ICOS: variants seen among roughly 807,000 people sequenced by gnomAD.
ICOS encodes the protein inducible T cell costimulator, also known as inducible T-cell costimulator.
ICOS carries 15 observed loss-of-function variants against 24.6 expected under a neutral mutation model. The ratio of observed to expected loss-of-function variants is 0.61; its 90% confidence interval spans 0.41 to 0.94. The LOEUF (loss-of-function observed/expected upper bound fraction) is 0.94, where lower values mean the gene tolerates loss of function less well. Ranked by LOEUF, ICOS falls within the 40% of genes least tolerant of loss-of-function variation. The pLI, the probability that ICOS is intolerant of heterozygous loss-of-function variation, is 0.00. For missense variants in ICOS, 200 were observed against 233.0 expected (o/e 0.86, Z 0.92); for synonymous variants, 89 against 77.5 (o/e 1.15, Z -0.78).
intron 4 of ICOS, among the ~76,000 whole-genome samples, chr2:203,958,644 T>G (rs1690118899): frequency 6.6e-6 from 1 of 152,140 alleles, no homozygotes; most frequent in Admixed American, 6.5e-5. Flanking sequence ...GGGACACACA[T>G]AGCTTGCGTT....
At position 203,957,898 on chromosome 2, in the gene ICOS, G is replaced by A. The variant is rs761295712; in HGVS notation, c.586+15G>A. 2 of 1,537,752 alleles carry A rather than the reference G, an allele frequency of 1.3e-6. No individual in the cohort carries two copies. Among genetic ancestry groups the A allele is most frequent in the Admixed American group, 1.7e-5 (1 of 59,848 alleles). ...TAGACTCACAGGTATGACTCCATTT[G>A]GGGGTTTGGGAAGGGAAGAGGTTTC... On this transcript the variant is annotated intron_variant, in intron 4 of 4. Coordinates refer to ENST00000316386, the MANE Select transcript of ICOS (RefSeq NM_012092.4).
chr2:203,955,488 G>A, intron 1 of ICOS, 148 bp from the exon 2 acceptor site: 1 of 674,582 alleles, frequency 1.5e-6, no homozygotes, highest in South Asian at 1.8e-5. Flanking sequence ...TCTTCCTTGA[G>A]GGGTGGAGGG....
rs1690064814 is a variant in ICOS, at chr2:203,955,665, A to G, written c.88A>G (p.Met30Val). ...GEINGSANYE[M>V]FIFHNGGVQI... Reference sequence around the variant, plus strand: ...AATCAATGGTTCTGCCAATTATGAGATGTTTATATTTCACAACGGAGGTGT... The same window carrying G: ...AATCAATGGTTCTGCCAATTATGAGGTGTTTATATTTCACAACGGAGGTGT... Residue 30 changes from methionine to valine, a missense_variant, in exon 2 of 5, where the codon ATG becomes GTG. By Grantham distance (21) the Met-to-Val change is conservative (BLOSUM62 1). Transcript: ENST00000316386. 3 of 1,613,096 alleles carry G rather than the reference A, an allele frequency of 1.9e-6. No homozygotes were observed. The highest frequency in any genetic ancestry group is 1.7e-6 in the Non-Finnish European group (2 of 1,179,342).
At chr2:203,959,451 TGTGA>T (rs199913820) in intron 4 of ICOS, 131 bp from the exon 5 acceptor site, 4 of 733,538 alleles carry the variant, frequency 5.5e-6, no homozygotes, top group African/African-American at 2.0e-5. Flanking sequence ...ATGGTGTGTG[TGTGA>T]GTGTGTGTGT....
At chr2:203,952,212 T>C (rs1689991833) in intron 1 of ICOS, among the ~76,000 whole-genome samples, 1 of 152,232 alleles carries the variant, frequency 6.6e-6, no homozygotes, top group African/African-American at 2.4e-5. Flanking sequence ...AGGCTGAATT[T>C]TGTGATACTA....
intron 1 of ICOS, among the ~76,000 whole-genome samples, chr2:203,946,701 T>A (rs910018791): frequency 6.6e-6 from 1 of 152,176 alleles, no homozygotes; most frequent in Non-Finnish European, 1.5e-5. Context: ...TAGTAAAACA[T>A]CAAATATAAC....
chr2:203,957,947 A>AC, intron 4 of ICOS, 64 bp downstream of exon 4: 1 of 784,648 alleles, frequency 1.3e-6, no homozygotes, highest in African/African-American at 1.8e-5. Flanking sequence ...TGGAATGTTA[A>AC]TTTTTTTTTT....
chr2:203,959,666 C>G lies in ICOS; in HGVS notation c.*67C>G. On this transcript the variant is annotated 3_prime_UTR_variant, in exon 5 of 5. Coordinates refer to ENST00000316386, the MANE Select transcript of ICOS (RefSeq NM_012092.4). The stretch of plus-strand genomic sequence containing the variant: ...TTTCCTCAACTTGAAGTGCAAGATT[C>G]TCTTATTTCCGGGACCACGGAGAGT... 6.8e-7 allele frequency: 1 copy of G among 1,460,996 alleles called. No individual in the cohort carries two copies. Among genetic ancestry groups the G allele is most frequent in the Non-Finnish European group, 9.6e-7 (1 of 1,041,110 alleles). 90.5% of individuals were successfully genotyped at this position (1,460,996 alleles called of 1,614,324 possible).
chr2:203,958,953 G>A (rs913265242), intron 4 of ICOS, among the ~76,000 whole-genome samples: 1 of 152,154 alleles, frequency 6.6e-6, no homozygotes, highest in African/African-American at 2.4e-5. Context: ...CCAGGAAGAA[G>A]GGGTGAGGGG....
chr2:203,954,383 C>T (rs112085634), intron 1 of ICOS, among the ~76,000 whole-genome samples: 20,505 of 151,904 alleles, frequency 0.13, 1,483 homozygotes, highest in South Asian at 0.25. Flanking sequence ...GCCAGGAGTT[C>T]AAGACCAGCC....
At chr2:203,949,068 G>A (rs1486230607) in intron 1 of ICOS, among the ~76,000 whole-genome samples, 1 of 152,198 alleles carries the variant, frequency 6.6e-6, no homozygotes. Flanking sequence ...CATGTAAGAA[G>A]GTCATTCTGG....
chr2:203,949,340 G>T (rs1434369413), intron 1 of ICOS, among the ~76,000 whole-genome samples: 2 of 152,154 alleles, frequency 1.3e-5, no homozygotes, highest in Non-Finnish European at 2.9e-5. Context: ...TACTTCTGTT[G>T]ATTGTTGCTA....
chr2:203,952,057 A>ACAAAACATACAT (rs1689987206), intron 1 of ICOS, among the ~76,000 whole-genome samples: 1 of 152,220 alleles, frequency 6.6e-6, no homozygotes, highest in Non-Finnish European at 1.5e-5. Context: ...CATATAGAAA[A>ACAAAACATACAT]GTGAAAAAAA....
Position 203,961,078 on chromosome 2 carries a change from C to G in ICOS, c.*1479C>G, listed in dbSNP as rs1031818064. ...TGCATGCCCAAGGCTTCTGAAGCAG[C>G]CAATGTCGATGCAACAACATTTGTA... On this transcript the variant is annotated 3_prime_UTR_variant, in exon 5 of 5. Coordinates refer to ENST00000316386, the MANE Select transcript of ICOS (RefSeq NM_012092.4). 1 of 152,134 alleles carries G rather than the reference C, an allele frequency of 6.6e-6. No individual in the cohort carries two copies. The highest frequency in any genetic ancestry group is 1.5e-5 in the Non-Finnish European group (1 of 68,048). 9.4% of individuals were successfully genotyped at this position (152,134 alleles called of 1,614,324 possible).
rs1690147239 is a variant in ICOS, at chr2:203,959,909, T to G, written c.*310T>G. On this transcript the variant is annotated 3_prime_UTR_variant, in exon 5 of 5. Transcript: ENST00000316386. ...CTGCTCCTAGCAGTGCATCAGCCAG[T>G]AAAACAAACACATTTACAAGAAAAA... The G allele has an allele frequency of 4.2e-6, 2 of 479,536 alleles. No homozygotes were observed. The highest frequency in any genetic ancestry group is 3.3e-5 in the Admixed American group (1 of 30,358). 29.7% of individuals were successfully genotyped at this position (479,536 alleles called of 1,614,324 possible).
intron 1 of ICOS, among the ~76,000 whole-genome samples, chr2:203,940,749 G>A (rs917972216): frequency 7.3e-5 from 11 of 151,272 alleles, no homozygotes; most frequent in African/African-American, 1.5e-4. Flanking sequence ...CAGGATATGT[G>A]TAACTCTCTC....
rs1181456223 is a variant in ICOS, at chr2:203,960,290, T to C, written c.*691T>C. Reference sequence around the variant, plus strand: ...AATAGAGAGCTATGTCTTACATTCTTTCCTCTGCTGCTCAATAGTTTTATA... The same window carrying C: ...AATAGAGAGCTATGTCTTACATTCTCTCCTCTGCTGCTCAATAGTTTTATA... On this transcript the variant is annotated 3_prime_UTR_variant, in exon 5 of 5. Transcript: ENST00000316386. 6.4e-6 allele frequency: 1 copy of C among 155,926 alleles called. No individual in the cohort carries two copies. Among genetic ancestry groups the C allele is most frequent in the African/African-American group, 2.4e-5 (1 of 41,468 alleles). 9.7% of individuals were successfully genotyped at this position (155,926 alleles called of 1,614,324 possible).
At chr2:203,952,491 T>C (rs1295425738) in intron 1 of ICOS, among the ~76,000 whole-genome samples, 2 of 152,240 alleles carry the variant, frequency 1.3e-5, no homozygotes, top group Non-Finnish European at 1.5e-5. Context: ...TTTAGGATTT[T>C]CACTAAGATA....
chr2:203,956,650 C>T lies in ICOS; in HGVS notation c.395-9C>T, dbSNP rs746882203. Reference sequence around the variant, plus strand: ...ATTTTTCATTAACATACCTTTTTTTCCAATCCAGAATCACAACTTTGTTGC... The same window carrying T: ...ATTTTTCATTAACATACCTTTTTTTTCAATCCAGAATCACAACTTTGTTGC... On this transcript the variant is annotated splice_polypyrimidine_tract_variant and intron_variant, in intron 2 of 4. Coordinates refer to ENST00000316386, the MANE Select transcript of ICOS (RefSeq NM_012092.4). 4.4e-6 allele frequency: 7 copies of T among 1,602,078 alleles called. No individual in the cohort carries two copies. The South Asian group carries it at 6.6e-5, about 15-fold the overall frequency.
Sources: allele counts gnomAD v4.1 joint callset (sites outside exome capture counted in the v4.1 genomes callset), GRCh38; gene constraint gnomAD v4.1.1; transcripts MANE v1.5; gene names NCBI Gene and HGNC (gene_info 2026-07-23, HGNC 2026-07-21).